TBC1D2: variants seen among roughly 807,000 people sequenced by gnomAD.
TBC1D2 encodes the protein TBC1 domain family member 2, also known as TBC1 domain family member 2A.
Under a neutral mutation model 91.1 loss-of-function variants are expected in TBC1D2, and 58 were observed. The observed-to-expected ratio is 0.64, with a 90% CI of 0.52 to 0.79. TBC1D2 has a LOEUF of 0.79. TBC1D2 is among the 30% of genes least tolerant of loss of function. The pLI is 0.00. For missense variants in TBC1D2, 1,080 were observed against 1,208.3 expected (o/e 0.89, Z 1.57); for synonymous variants, 482 against 511.5 (o/e 0.94, Z 0.78).
At position 98,201,577 on chromosome 9, in the gene TBC1D2, G is replaced by C; in HGVS notation, c.2359C>G (p.Leu787Val). 1 of 1,614,158 alleles carries C rather than the reference G, an allele frequency of 6.2e-7. No homozygotes were observed. Among genetic ancestry groups the C allele is most frequent in the South Asian group, 1.1e-5 (1 of 91,086 alleles). Residue 787 changes from leucine to valine, a missense_variant, in exon 11 of 13, where the codon CTC (leucine) becomes GTC (valine). Transcript: ENST00000465784. ...ACGAGGAACCAGTTGAAGGTGACGA[G>C]GGAGAGATCCACGTGGTGCTGCCCC... The part of the protein sequence containing the change: ...HLGQHHVDLS[L>V]VTFNWFLVVF...
intron 2 of TBC1D2, among the ~76,000 whole-genome samples, chr9:98,248,954 A>G (rs1033423923): frequency 1.7e-4 from 26 of 152,228 alleles, no homozygotes; most frequent in African/African-American, 5.8e-4. Flanking sequence ...GCTCAAGAGC[A>G]GTGACGAGAC....
intron 9 of TBC1D2, among the ~76,000 whole-genome samples, chr9:98,206,931 A>G (rs1828669376): frequency 6.6e-6 from 1 of 152,228 alleles, no homozygotes; most frequent in South Asian, 2.1e-4. Context: ...AGCTCCCTTC[A>G]CAGCTATTCT....
At chr9:98,215,400 G>A (rs1008865776) in intron 6 of TBC1D2, among the ~76,000 whole-genome samples, 1 of 152,194 alleles carries the variant, frequency 6.6e-6, no homozygotes, top group Non-Finnish European at 1.5e-5. Context: ...CCCTAGAAGG[G>A]ATGTTCTTTT....
intron 3 of TBC1D2, among the ~76,000 whole-genome samples, chr9:98,235,774 C>A (rs1433102455): frequency 2.0e-5 from 3 of 152,158 alleles, no homozygotes; most frequent in Non-Finnish European, 4.4e-5. Context: ...GTGGCTCACG[C>A]CTGTAATCCC....
chr9:98,239,818 G>GTTAT (rs1031300855), intron 3 of TBC1D2, among the ~76,000 whole-genome samples: 8 of 152,180 alleles, frequency 5.3e-5, no homozygotes, highest in Non-Finnish European at 1.0e-4. Flanking sequence ...TTCATGTGTA[G>GTTAT]TTATTTATTT....
At chr9:98,208,222 G>A (rs1828706964) in intron 9 of TBC1D2, among the ~76,000 whole-genome samples, 1 of 152,128 alleles carries the variant, frequency 6.6e-6, no homozygotes, top group Non-Finnish European at 1.5e-5. Context: ...CCAGCCTGTG[G>A]GTGGGGAACC....
intron 11 of TBC1D2, among the ~76,000 whole-genome samples, chr9:98,200,816 G>T (rs1340712156): frequency 6.6e-6 from 1 of 152,116 alleles, no homozygotes; most frequent in African/African-American, 2.4e-5. Flanking sequence ...AGGAGTTCGA[G>T]ACCAGCCTGG....
intron 2 of TBC1D2, among the ~76,000 whole-genome samples, chr9:98,249,205 C>A (rs891222114): frequency 2.0e-5 from 3 of 152,118 alleles, no homozygotes; most frequent in African/African-American, 7.2e-5. Flanking sequence ...TGCTGCAAGG[C>A]GAGGAAAGGT....
At chr9:98,243,901 G>A (rs2131282045) in intron 3 of TBC1D2, 93 bp downstream of exon 3, 1 of 1,493,434 alleles carries the variant, frequency 6.7e-7, no homozygotes, top group Non-Finnish European at 9.1e-7. Context: ...CTCTCCCGGG[G>A]CCCATCTCCC....
At chr9:98,220,710 A>G (rs1453034200) in intron 6 of TBC1D2, 123 bp downstream of exon 6, 2 of 1,233,764 alleles carry the variant, frequency 1.6e-6, no homozygotes, top group Non-Finnish European at 2.3e-6. Context: ...TAATGTGAAT[A>G]TTCTAGGATG....
intron 2 of TBC1D2, 45 bp downstream of exon 2, chr9:98,251,740 A>G: frequency 6.6e-7 from 1 of 1,519,972 alleles, no homozygotes; most frequent in Non-Finnish European, 8.8e-7. Context: ...AGGCTTAATC[A>G]CCAGAGCCCT....
chr9:98,239,381 AC>A (rs1198413209), intron 3 of TBC1D2, among the ~76,000 whole-genome samples: 1 of 152,204 alleles, frequency 6.6e-6, no homozygotes, highest in East Asian at 1.9e-4. Context: ...AGGTTTTATC[AC>A]AAAGAGATGT....
intron 12 of TBC1D2, among the ~76,000 whole-genome samples, chr9:98,199,831 G>C (rs1035156927): frequency 4.1e-4 from 62 of 152,310 alleles, no homozygotes; most frequent in African/African-American, 1.4e-3. Flanking sequence ...AGGCTTCTTG[G>C]AGGAGGTGAC....
At chr9:98,204,344 C>T (rs540816079) in intron 9 of TBC1D2, among the ~76,000 whole-genome samples, 3 of 152,330 alleles carry the variant, frequency 2.0e-5, no homozygotes, top group African/African-American at 7.2e-5. Flanking sequence ...CTGAGAAGTC[C>T]TGTGGTGACA....
rs780439568 is a variant in TBC1D2, at chr9:98,213,239, T to C, written c.1375-21A>G. The stretch of plus-strand genomic sequence containing the variant: ...TCATCCTGGAGAAGAGAGTAAAATA[T>C]GTTATCAGTTGGACATAAACATCTC... On this transcript the variant is annotated intron_variant, in intron 6 of 12. Transcript: ENST00000465784. The C allele has an allele frequency of 2.5e-6, 4 of 1,613,754 alleles. No individual in the cohort carries two copies. The African/African-American group carries it at 5.3e-5, about 22-fold the overall frequency.
chr9:98,244,025 T>C lies in TBC1D2; in HGVS notation c.616A>G (p.Ile206Val). The C allele has an allele frequency of 6.2e-7, 1 of 1,610,110 alleles. No homozygotes were observed. The highest frequency in any genetic ancestry group is 8.5e-7 in the Non-Finnish European group (1 of 1,178,304). ...TCAGTCCCCAGGTGCTTGAGGGAAA[T>C]ATTCTGAAGGGCAGGGAAGGGCTGC... ...ALQPFPALQN[I>V]SLKHLGTEIQ... The change falls in exon 3 of 13, where the codon ATT becomes GTT. Residue 206 changes from isoleucine to valine, a missense_variant. Coordinates refer to ENST00000465784, the MANE Select transcript of TBC1D2 (RefSeq NM_001267571.2).
At chr9:98,249,780 A>G (rs952578506) in intron 2 of TBC1D2, among the ~76,000 whole-genome samples, 2 of 152,246 alleles carry the variant, frequency 1.3e-5, no homozygotes, top group African/African-American at 4.8e-5. Context: ...ATATAGACAT[A>G]GAATAACAAT....
chr9:98,241,887 T>A (rs1563987579), intron 3 of TBC1D2, among the ~76,000 whole-genome samples: 1 of 152,126 alleles, frequency 6.6e-6, no homozygotes, highest in Admixed American at 6.5e-5. Flanking sequence ...TCCAGGTCAT[T>A]CCATCCAAAT....
chr9:98,225,183 G>C (rs1407394213), intron 5 of TBC1D2, among the ~76,000 whole-genome samples: 1 of 152,194 alleles, frequency 6.6e-6, no homozygotes, highest in African/African-American at 2.4e-5. Context: ...CCAACAGATG[G>C]CCAACATCAC....
Sources: gnomAD v4.1 joint callset for allele counts (sites outside exome capture counted in the v4.1 genomes callset) on GRCh38, gnomAD v4.1.1 for gene constraint, MANE v1.5 for transcripts, NCBI Gene and HGNC (gene_info 2026-07-23, HGNC 2026-07-21) for gene names.